PLEKHG1: variants seen among roughly 807,000 people sequenced by gnomAD.
PLEKHG1 encodes the protein pleckstrin homology and RhoGEF domain containing G1.
Under a neutral mutation model 100.8 loss-of-function variants are expected in PLEKHG1, and 44 were observed. The observed-to-expected ratio is 0.44, with a 90% CI of 0.34 to 0.56. The LOEUF is 0.56. Among genes scored for constraint, PLEKHG1 ranks in the 20% least tolerant of loss-of-function variants. The pLI, the probability that PLEKHG1 is intolerant of heterozygous loss-of-function variation, is 0.01. For missense variants in PLEKHG1, 1,545 were observed against 1,720.9 expected (o/e 0.90, Z 1.81); for synonymous variants, 640 against 662.5 (o/e 0.97, Z 0.52).
intron 2 of PLEKHG1, among the ~76,000 whole-genome samples, chr6:150,742,970 C>T (rs965404003): frequency 6.6e-5 from 10 of 152,126 alleles, no homozygotes; most frequent in African/African-American, 2.4e-4. Flanking sequence ...CATGGAGATA[C>T]ATACGGGGAA....
intron 3 of PLEKHG1, among the ~76,000 whole-genome samples, chr6:150,675,542 T>C (rs970517851): frequency 6.6e-6 from 1 of 152,274 alleles, no homozygotes; most frequent in Non-Finnish European, 1.5e-5. Context: ...CTTCCTAAGA[T>C]AGTTTTATTT....
intron 10 of PLEKHG1, among the ~76,000 whole-genome samples, chr6:150,811,216 G>A (rs545634274): frequency 1.8e-4 from 27 of 152,048 alleles, no homozygotes; most frequent in Non-Finnish European, 2.6e-4. Flanking sequence ...GTTCAATTGC[G>A]TTGAGTGGAG....
intron 7 of PLEKHG1, among the ~76,000 whole-genome samples, chr6:150,808,043 A>G (rs960579966): frequency 1.3e-5 from 2 of 152,224 alleles, no homozygotes; most frequent in Non-Finnish European, 2.9e-5. Context: ...GTCAACAGTA[A>G]TTTATAAAAT....
At chr6:150,810,543 A>AAAGG (rs1554277671) in intron 10 of PLEKHG1, among the ~76,000 whole-genome samples, 5 of 146,818 alleles carry the variant, frequency 3.4e-5, no homozygotes, top group Admixed American at 1.3e-4. Context: ...AGAAAGGAAG[A>AAAGG]AAGGAAGGAA....
rs35351890 is a variant in PLEKHG1 at position 150,611,811 on chromosome 6, C to CAAA, written c.-204+11808_-204+11810dup. 1.2e-3 allele frequency among the ~76,000 whole-genome samples: 142 copies of CAAA among 121,588 alleles called. 2 individuals carry two copies. The South Asian group carries it at 0.029, about 25-fold the overall frequency. The allele number at this position is 121,588 out of a possible 152,430, so 79.8% of individuals were successfully genotyped here. A position where few individuals can be genotyped will look rare whatever the true frequency, so the allele number is the denominator to read the frequency against. On this transcript the variant is annotated intron_variant, in intron 1 of 3. Transcript: ENST00000367326. ...TGGGTGACAGAGTGAGACTCCATCT[C>CAAA]AAAAAAAAAAAAAAAAGAAAGAAAA...
chr6:150,667,089 GGT>G (rs1379411464), intron 3 of PLEKHG1, among the ~76,000 whole-genome samples: 3 of 151,588 alleles, frequency 2.0e-5, no homozygotes, highest in Non-Finnish European at 1.5e-5. Context: ...TCCAAAAGGG[GGT>G]GTGTGTGTGT....
intron 1 of PLEKHG1, among the ~76,000 whole-genome samples, chr6:150,721,443 G>A (rs1234582531): frequency 6.6e-6 from 1 of 152,100 alleles, no homozygotes; most frequent in Non-Finnish European, 1.5e-5. Context: ...GTCTTCAATA[G>A]TTTTTGTCTT....
At chr6:150,733,591 C>G in exon 2 of PLEKHG1, 1 of 1,609,972 alleles carries the variant, frequency 6.2e-7, no homozygotes, top group African/African-American at 1.3e-5. Context: ...TAGATGGGCA[C>G]CAGTTGCGTC....
chr6:150,661,041 G>A (rs1779168777), intron 3 of PLEKHG1, among the ~76,000 whole-genome samples: 1 of 152,180 alleles, frequency 6.6e-6, no homozygotes, highest in African/African-American at 2.4e-5. Flanking sequence ...AGGAGGGGGA[G>A]TGAATAGTGG....
At chr6:150,828,115 C>A in intron 14 of PLEKHG1, 2 of 1,613,276 alleles carry the variant, frequency 1.2e-6, no homozygotes, top group South Asian at 2.2e-5. Flanking sequence ...AAAGCCATTT[C>A]AACAACCTGC....
In PLEKHG1 at chr6:150,683,950, T is replaced by G. The variant is rs1237154148; in HGVS notation, c.-99+33164T>G. On this transcript the variant is annotated intron_variant, in intron 3 of 3. Coordinates refer to the PLEKHG1 transcript ENST00000367326. The surrounding 1 kb of genome is among the most constrained non-coding windows in gnomAD (Gnocchi z 4.0). ...TGGTGGCAAGGGCAGTGGCAAGTAG[T>G]GGGTTTCATGGAAGGATAAAAGTAT... 3.4e-5 allele frequency: 17 copies of G among 497,884 alleles called. No individual in the cohort carries two copies. Among genetic ancestry groups the G allele is most frequent in the Non-Finnish European group, 5.2e-5 (16 of 306,738 alleles). The allele number at this position is 497,884 out of a possible 1,614,324, so 30.8% of individuals were successfully genotyped here. A position where few individuals can be genotyped will look rare whatever the true frequency, so the allele number is the denominator to read the frequency against.
At chr6:150,724,481 G>A (rs992056024) in intron 1 of PLEKHG1, among the ~76,000 whole-genome samples, 2 of 151,664 alleles carry the variant, frequency 1.3e-5, no homozygotes, top group Non-Finnish European at 2.9e-5. Flanking sequence ...CACAAAAAAA[G>A]CATACAACAA....
exon 11 of PLEKHG1, chr6:150,818,216 C>T (rs1472800803): frequency 6.3e-6 from 10 of 1,597,042 alleles, no homozygotes; most frequent in East Asian, 4.5e-5. Flanking sequence ...GGATGCCATT[C>T]GTAAGTTTTA....
chr6:150,707,108 G>C (rs761978485), intron 3 of PLEKHG1, among the ~76,000 whole-genome samples: 1 of 144,644 alleles, frequency 6.9e-6, no homozygotes. Context: ...AGGTTCAAGC[G>C]ATTCTCCTGC....
At chr6:150,807,344 GT>G (rs1234437370) in intron 7 of PLEKHG1, among the ~76,000 whole-genome samples, 2 of 152,092 alleles carry the variant, frequency 1.3e-5, no homozygotes. Context: ...TGAATGGCTG[GT>G]TTTTCATACT....
In PLEKHG1 at chr6:150,600,724, G is replaced by A. The variant is rs1776315175; in HGVS notation, c.-204+707G>A. On this transcript the variant is annotated intron_variant, in intron 1 of 3. Coordinates refer to the PLEKHG1 transcript ENST00000367326. This position sits in a 1 kb window ranked among gnomAD's most constrained non-coding sequence, Gnocchi z 6.2. ...GCGGCGGGGAACCGCAGTGATGCCCGAGCTCGCCCCTTTTGTGTCCTCGCG... is the reference window on the plus strand; with the variant it reads ...GCGGCGGGGAACCGCAGTGATGCCCAAGCTCGCCCCTTTTGTGTCCTCGCG... 1 of 152,368 alleles carries A rather than the reference G, an allele frequency of 6.6e-6. No individual in the cohort carries two copies. Among genetic ancestry groups the A allele is most frequent in the South Asian group, 2.1e-4 (1 of 4,838 alleles). The allele number at this position is 152,368 out of a possible 1,614,324, so 9.4% of individuals were successfully genotyped here.
At position 150,726,190 on chromosome 6, in the gene PLEKHG1, G is replaced by T. The variant is rs370311666; in HGVS notation, c.-99+4990G>T. Among the ~76,000 whole-genome samples, 7 of 152,240 alleles carry T rather than the reference G, an allele frequency of 4.6e-5. 1 individual carries two copies. The highest frequency in any genetic ancestry group is 1.3e-4 in the Admixed American group (2 of 15,292). ...CAAGATGAGTAAGTCCAAAAAATCTGCACAGCATAGTGCCTATAGCTAACA... is the reference window on the plus strand; with the variant it reads ...CAAGATGAGTAAGTCCAAAAAATCTTCACAGCATAGTGCCTATAGCTAACA... On this transcript the variant is annotated intron_variant, in intron 1 of 15. Transcript: ENST00000358517.
intron 2 of PLEKHG1, among the ~76,000 whole-genome samples, chr6:150,641,802 G>A (rs923247690): frequency 9.6e-5 from 13 of 134,830 alleles, no homozygotes. Flanking sequence ...TAAAAACTCT[G>A]TGATATATTT....
intron 3 of PLEKHG1, among the ~76,000 whole-genome samples, chr6:150,697,668 T>C (rs1000706906): frequency 4.6e-5 from 7 of 152,188 alleles, no homozygotes; most frequent in Non-Finnish European, 8.8e-5. Flanking sequence ...GGAAGAGAGT[T>C]TGGCTTCTCC....
Sources: allele counts gnomAD v4.1 joint callset (sites outside exome capture counted in the v4.1 genomes callset), GRCh38; gene constraint gnomAD v4.1.1; non-coding constraint Gnocchi (gnomAD v3.1); transcripts MANE v1.5; gene names NCBI Gene and HGNC (gene_info 2026-07-23, HGNC 2026-07-21).